Variants in ADGRF5 observed in about 807,000 individuals in gnomAD.
ADGRF5 encodes adhesion G protein-coupled receptor F5.
Under a neutral mutation model 132.3 loss-of-function variants are expected in ADGRF5, and 75 were observed. That is an observed-to-expected ratio of 0.57 (90% CI 0.47 to 0.69). ADGRF5 has a LOEUF of 0.69. Among genes scored for constraint, ADGRF5 ranks in the 30% least tolerant of loss-of-function variants. ADGRF5 has a pLI of 0.00. For missense variants in ADGRF5, 1,516 were observed against 1,630.6 expected, an observed-to-expected ratio of 0.93 and a Z score of 1.21; for synonymous variants, 629 against 597.6, an observed-to-expected ratio of 1.05 and a Z score of -0.77.
Position 46,921,875 on chromosome 6 carries a change from G to A in ADGRF5, c.-187C>T, listed in dbSNP as rs1489558590. The A allele has an allele frequency of 1.3e-5, 2 of 152,364 alleles. No homozygotes were observed. The highest frequency in any genetic ancestry group is 2.9e-5 in the Non-Finnish European group (2 of 68,202). The allele number at this position is 152,364 out of a possible 1,614,324, so 9.4% of individuals were successfully genotyped here. Reference sequence around the variant, plus strand: ...AGACTCATTTCGCGTTTTCAGGCAGGACTGGCAGCACCGCTCCCACGCTCA... The same window carrying A: ...AGACTCATTTCGCGTTTTCAGGCAGAACTGGCAGCACCGCTCCCACGCTCA... On this transcript the variant is annotated 5_prime_UTR_variant, in exon 1 of 21. Transcript: ENST00000283296.
At chr6:46,882,456 G>A (rs554287412) in intron 6 of ADGRF5, among the ~76,000 whole-genome samples, 40 of 152,326 alleles carry the variant, frequency 2.6e-4, no homozygotes, top group Middle Eastern at 3.4e-3. Context: ...GCTTGGAAAT[G>A]TTCAATAAAG....
At position 46,874,714 on chromosome 6, in the gene ADGRF5, T is replaced by G. The variant is rs7748751; in HGVS notation, c.1241-2701A>C. 6.2e-3 allele frequency among the ~76,000 whole-genome samples: 947 copies of G among 152,222 alleles called. 8 individuals carry two copies. Among genetic ancestry groups the G allele is most frequent in the Non-Finnish European group, 0.011 (734 of 68,004 alleles). On this transcript the variant is annotated intron_variant, in intron 10 of 20. Transcript: ENST00000283296. ...CAAGCTGCTTCAGGGGCTGGGGCTG[T>G]GTTGAGGGGGGTGGAAGGATAATAA...
chr6:46,866,047 G>A (rs1770380984), intron 13 of ADGRF5, among the ~76,000 whole-genome samples: 1 of 152,094 alleles, frequency 6.6e-6, no homozygotes, highest in South Asian at 2.1e-4. Flanking sequence ...TTAATCTCTG[G>A]GAATCCCTAG....
intron 10 of ADGRF5, among the ~76,000 whole-genome samples, chr6:46,872,657 A>G (rs1260692244): frequency 1.3e-5 from 2 of 151,906 alleles, no homozygotes; most frequent in South Asian, 4.2e-4. Flanking sequence ...CTCCCTTTCC[A>G]TACCTTTCTT....
intron 1 of ADGRF5, among the ~76,000 whole-genome samples, chr6:46,908,546 C>A (rs976868498): frequency 6.6e-6 from 1 of 152,152 alleles, no homozygotes; most frequent in South Asian, 2.1e-4. Context: ...TATCTTTCTA[C>A]GATTTCCCAG....
At chr6:46,948,803 C>T (rs1778392680) in intron 1 of ADGRF5, among the ~76,000 whole-genome samples, 1 of 152,178 alleles carries the variant, frequency 6.6e-6, no homozygotes, top group African/African-American at 2.4e-5. Context: ...TCCCTCTTGA[C>T]CCCAGCCCTC....
At chr6:46,867,405 C>T (rs867623786) in intron 12 of ADGRF5, among the ~76,000 whole-genome samples, 8 of 152,152 alleles carry the variant, frequency 5.3e-5, no homozygotes, top group African/African-American at 9.7e-5. Context: ...AGCCTGTTAG[C>T]GGCAAAATTG....
At chr6:46,936,759 T>A (rs796310292) in intron 1 of ADGRF5, among the ~76,000 whole-genome samples, 2 of 152,150 alleles carry the variant, frequency 1.3e-5, no homozygotes, top group African/African-American at 4.8e-5. Context: ...CACTCTACTG[T>A]GCCTTGTCCT....
In ADGRF5 at chr6:46,853,488, AAT is replaced by A. The variant is rs1344728923; in HGVS notation, c.*502_*503del. On this transcript the variant is annotated 3_prime_UTR_variant, in exon 21 of 21. Coordinates refer to ENST00000283296, the MANE Select transcript of ADGRF5 (RefSeq NM_001098518.2). Reference sequence around the variant, plus strand: ...ATGGAAATCTTACAATATGGCCCTTAATGTTGTTTGTCTTTATTTGTTCCTAT... The same window carrying A: ...ATGGAAATCTTACAATATGGCCCTTAGTTGTTTGTCTTTATTTGTTCCTAT... 1 of 153,928 alleles carries A rather than the reference AAT, an allele frequency of 6.5e-6. No individual in the cohort carries two copies. The highest frequency in any genetic ancestry group is 1.4e-5 in the Non-Finnish European group (1 of 69,658). The allele number at this position is 153,928 out of a possible 1,614,324, so 9.5% of individuals were successfully genotyped here. A position where few individuals can be genotyped will look rare whatever the true frequency, so the allele number is the denominator to read the frequency against.
At chr6:46,883,847 T>C (rs1046817539) in intron 5 of ADGRF5, among the ~76,000 whole-genome samples, 182 bp from the exon 6 acceptor site, 1 of 152,234 alleles carries the variant, frequency 6.6e-6, no homozygotes, top group Non-Finnish European at 1.5e-5. Flanking sequence ...GTTCAAGTGA[T>C]GCTCCTGCCT....
chr6:46,927,455 T>C (rs1777311249), intron 1 of ADGRF5, among the ~76,000 whole-genome samples: 1 of 152,098 alleles, frequency 6.6e-6, no homozygotes, highest in African/African-American at 2.4e-5. Context: ...TGCTGTTACC[T>C]TATGCTCTGG....
intron 11 of ADGRF5, chr6:46,870,761 C>A (rs896518728): frequency 7.3e-5 from 29 of 397,708 alleles, no homozygotes; most frequent in Middle Eastern, 6.9e-4. Flanking sequence ...TAAGACAGGT[C>A]CCAGTTTTGT....
chr6:46,883,983 C>A (rs570087007), intron 5 of ADGRF5, 112 bp downstream of exon 5: 12 of 887,402 alleles, frequency 1.4e-5, no homozygotes, highest in African/African-American at 1.3e-4. Flanking sequence ...CACAGGTGAT[C>A]CATCCACATC....
In ADGRF5 at chr6:46,859,091, T is replaced by A; in HGVS notation, c.2812A>T (p.Ile938Phe). Residue 938 changes from isoleucine (I) to phenylalanine (F), a missense_variant, in exon 17 of 21, where the codon ATT (isoleucine) becomes TTT (phenylalanine). Coordinates refer to ENST00000283296, the MANE Select transcript of ADGRF5 (RefSeq NM_001098518.2). ...VSHNTTMPFR[I>F]SMTFKNNSPS... ...CTATTGTTCTTAAAAGTCATTGAAA[T>A]CCTGAATGGCATAGTTGTATTGTGG... 2 of 1,614,014 alleles carry A rather than the reference T, an allele frequency of 1.2e-6. No homozygotes were observed. The highest frequency in any genetic ancestry group is 1.7e-6 in the Non-Finnish European group (2 of 1,179,850).
At chr6:46,902,028 A>C (rs902506526) in intron 2 of ADGRF5, among the ~76,000 whole-genome samples, 1 of 152,234 alleles carries the variant, frequency 6.6e-6, no homozygotes, top group Non-Finnish European at 1.5e-5. Context: ...TTCTTGAAGA[A>C]ATAAATAGGG....
intron 4 of ADGRF5, among the ~76,000 whole-genome samples, chr6:46,887,606 G>T (rs778666215): frequency 1.1e-4 from 17 of 152,134 alleles, no homozygotes; most frequent in Admixed American, 3.3e-4. Context: ...TGAAATATGC[G>T]AATTCAAGAA....
Position 46,884,109 on chromosome 6 carries a change from CA to C in ADGRF5, c.490del (p.Cys164AlafsTer9). 1 of 1,613,776 alleles carries C rather than the reference CA, an allele frequency of 6.2e-7. No individual in the cohort carries two copies. Among genetic ancestry groups the C allele is most frequent in the Non-Finnish European group, 8.5e-7 (1 of 1,179,770 alleles). On this transcript the variant is annotated frameshift_variant, in exon 5 of 21. Coordinates refer to ENST00000283296, the MANE Select transcript of ADGRF5 (RefSeq NM_001098518.2). LOFTEE classifies it high-confidence loss of function. ...CAGTTACTTACCTTCCTGAAGCAGGCAAAAAGGTCCATTGGGAGGCAGTTCT... is the reference window on the plus strand; with the variant it reads ...CAGTTACTTACCTTCCTGAAGCAGGCAAAAGGTCCATTGGGAGGCAGTTCT... ...LKELPPNGPF[C>X]LLQEDVTLNM...
intron 3 of ADGRF5, among the ~76,000 whole-genome samples, chr6:46,892,876 C>T (rs950724055): frequency 2.6e-5 from 4 of 152,026 alleles, no homozygotes; most frequent in African/African-American, 4.8e-5. Context: ...AATGATTTAC[C>T]TGTAATTTTA....
At chr6:46,946,390 T>C (rs920111881) in intron 1 of ADGRF5, among the ~76,000 whole-genome samples, 1 of 152,174 alleles carries the variant, frequency 6.6e-6, no homozygotes, top group Non-Finnish European at 1.5e-5. Flanking sequence ...TGAGGTACAC[T>C]GGGGTAGCGT....
Sources: allele counts gnomAD v4.1 joint callset (sites outside exome capture counted in the v4.1 genomes callset), GRCh38; gene constraint gnomAD v4.1.1; transcripts MANE v1.5; gene names NCBI Gene and HGNC (gene_info 2026-07-23, HGNC 2026-07-21).